Variants in ALK observed in about 807,000 individuals in gnomAD.
ALK encodes ALK receptor tyrosine kinase.
A neutral mutation model predicts 163.1 loss-of-function variants in ALK; 74 were observed. The ratio of observed to expected loss-of-function variants is 0.45; its 90% CI spans 0.38 to 0.55. The LOEUF is 0.55. Ranked by LOEUF, ALK falls within the 20% of genes least tolerant of loss-of-function variation. The pLI is 0.00. For synonymous variants in ALK, 960 were observed against 843.2 expected (o/e 1.14, Z -2.40); for missense variants, 2,063 against 2,105.3 (o/e 0.98, Z 0.39).
intron 4 of ALK, among the ~76,000 whole-genome samples, chr2:29,508,353 A>C (rs1160539494): frequency 6.6e-6 from 1 of 152,220 alleles, no homozygotes; most frequent in Non-Finnish European, 1.5e-5. Flanking sequence ...ACACCATGGA[A>C]TACTATGCAG....
chr2:29,752,796 G>GCAA (rs1352817222), intron 1 of ALK, among the ~76,000 whole-genome samples: 3 of 152,280 alleles, frequency 2.0e-5, no homozygotes, highest in African/African-American at 4.8e-5. Flanking sequence ...GGAAGAAGGA[G>GCAA]CAACAGTCTT....
chr2:29,736,158 T>C (rs1462149331), intron 1 of ALK, among the ~76,000 whole-genome samples: 1 of 152,106 alleles, frequency 6.6e-6, no homozygotes, highest in African/African-American at 2.4e-5. Context: ...CCATTAGAGA[T>C]AATGTTTTCA....
At position 29,213,945 on chromosome 2, in the gene ALK, C is replaced by T. The variant is rs371815430; in HGVS notation, c.3743+39G>A. The stretch of plus-strand genomic sequence containing the variant: ...ATCTGCGGGGAAGCACACAGATCAG[C>T]GACAGGATGACAGGAAGAGCACAGT... On this transcript the variant is annotated intron_variant, in intron 24 of 28. Transcript: ENST00000389048. 560 of 1,555,578 alleles carry T rather than the reference C, an allele frequency of 3.6e-4. 7 individuals are homozygous for T. The South Asian group carries it at 3.9e-3, about 11-fold the overall frequency.
At chr2:29,222,239 AG>A in intron 22 of ALK, 104 bp downstream of exon 22, 1 of 1,028,694 alleles carries the variant, frequency 9.7e-7, no homozygotes, top group Non-Finnish European at 1.5e-6. Context: ...GGGACATGCT[AG>A]GGACAACACG....
At chr2:29,260,666 C>T (rs1180083482) in intron 11 of ALK, among the ~76,000 whole-genome samples, 1 of 152,000 alleles carries the variant, frequency 6.6e-6, no homozygotes, top group African/African-American at 2.4e-5. Context: ...GTAAAACCGT[C>T]TCTACTGAAA....
chr2:29,821,038 C>T (rs971230972), intron 1 of ALK, among the ~76,000 whole-genome samples: 2 of 152,140 alleles, frequency 1.3e-5, no homozygotes, highest in African/African-American at 2.4e-5. Context: ...GGAGCTTGCC[C>T]GAGTGAGGGC....
intron 2 of ALK, among the ~76,000 whole-genome samples, chr2:29,699,201 C>T (rs1678657783): frequency 6.6e-6 from 1 of 152,196 alleles, no homozygotes; most frequent in Non-Finnish European, 1.5e-5. Flanking sequence ...ACCGCAGAGG[C>T]AGGTCCACAC....
At chr2:29,349,997 G>A (rs1414346488) in intron 5 of ALK, among the ~76,000 whole-genome samples, 3 of 152,248 alleles carry the variant, frequency 2.0e-5, no homozygotes, top group Non-Finnish European at 4.4e-5. Context: ...AGGCAGCTCA[G>A]AGCCTGGAGA....
intron 22 of ALK, among the ~76,000 whole-genome samples, chr2:29,222,038 G>A (rs561686679): frequency 6.6e-6 from 1 of 152,308 alleles, no homozygotes; most frequent in East Asian, 1.9e-4. Flanking sequence ...TCAAAGTCTA[G>A]CATGCTCCAT....
chr2:29,640,129 G>C (rs1676660737), intron 3 of ALK, among the ~76,000 whole-genome samples: 1 of 152,202 alleles, frequency 6.6e-6, no homozygotes, highest in South Asian at 2.1e-4. Context: ...CTGTCTCCAT[G>C]ATTCTCTATT....
chr2:29,280,249 C>T (rs1478696735), intron 9 of ALK, among the ~76,000 whole-genome samples: 1 of 137,278 alleles, frequency 7.3e-6, no homozygotes, highest in Admixed American at 7.2e-5. Flanking sequence ...ACTGAGGGAA[C>T]GTTTTAGTGT....
intron 2 of ALK, among the ~76,000 whole-genome samples, chr2:29,713,666 A>T (rs1366122158): frequency 6.6e-6 from 1 of 152,218 alleles, no homozygotes; most frequent in Non-Finnish European, 1.5e-5. Context: ...GTCCAGGTTC[A>T]TTCTTTTCTA....
intron 5 of ALK, among the ~76,000 whole-genome samples, chr2:29,352,238 G>A (rs1668135950): frequency 6.6e-6 from 1 of 152,260 alleles, no homozygotes; most frequent in Non-Finnish European, 1.5e-5. Flanking sequence ...ATATGTGAAA[G>A]CCCTTTGTAA....
intron 4 of ALK, among the ~76,000 whole-genome samples, chr2:29,502,252 C>T (rs1043321920): frequency 3.9e-5 from 6 of 152,226 alleles, no homozygotes; most frequent in Non-Finnish European, 8.8e-5. Flanking sequence ...CTTGAGGGTA[C>T]AGACCATTGC....
At chr2:29,597,473 C>A (rs1226647595) in intron 3 of ALK, among the ~76,000 whole-genome samples, 1 of 152,210 alleles carries the variant, frequency 6.6e-6, no homozygotes, top group Non-Finnish European at 1.5e-5. Context: ...AATTCCTCCA[C>A]AAAGCCCAGT....
intron 19 of ALK, among the ~76,000 whole-genome samples, 182 bp downstream of exon 19, chr2:29,225,279 T>C (rs1663928567): frequency 6.6e-6 from 1 of 152,102 alleles, no homozygotes; most frequent in Admixed American, 6.5e-5. Context: ...GCAGCTGCTC[T>C]GGTGGGGGGA....
chr2:29,920,550 G>A lies in ALK; in HGVS notation c.110C>T (p.Pro37Leu), dbSNP rs1437432300. The A allele has an allele frequency of 2.5e-6, 4 of 1,604,772 alleles. No individual in the cohort carries two copies. In the Admixed American group the frequency reaches 5.0e-5, roughly 20 times the overall value. The change falls in exon 1 of 29, where the codon CCG becomes CTG. Residue 37 changes from proline (P) to leucine (L), a missense_variant. Transcript: ENST00000389048. The part of the protein sequence containing the change: ...QRAGSPAAGP[P>L]LQPREPLSYS... ...GCTGAGTGGCTCCCGGGGCTGCAGC[G>A]GCGGCCCCGCAGCTGGGGAGCCCGC...
chr2:29,682,554 T>C (rs1003501303), intron 3 of ALK, among the ~76,000 whole-genome samples: 1 of 152,158 alleles, frequency 6.6e-6, no homozygotes, highest in African/African-American at 2.4e-5. Context: ...ATCAATGTGT[T>C]GTCTTAATAA....
intron 1 of ALK, among the ~76,000 whole-genome samples, chr2:29,902,322 G>A (rs769215638): frequency 2.2e-4 from 33 of 151,862 alleles, no homozygotes; most frequent in African/African-American, 6.8e-4. Context: ...TCTCTTTTTC[G>A]GCCCCTTGTG....
Sources: gnomAD v4.1 joint callset for allele counts (sites outside exome capture counted in the v4.1 genomes callset) on GRCh38, gnomAD v4.1.1 for gene constraint, MANE v1.5 for transcripts, NCBI Gene and HGNC (gene_info 2026-07-23, HGNC 2026-07-21) for gene names.